The following DAPK2 variants were observed in gnomAD, a reference collection of about 807,000 sequenced individuals.
The protein encoded by DAPK2 is death associated protein kinase 2.
Under a neutral mutation model 44.1 loss-of-function variants are expected in DAPK2, and 35 were observed. The observed-to-expected ratio is 0.79, with a 90% CI of 0.61 to 1.05. DAPK2 has a LOEUF of 1.05. Ranked by LOEUF, DAPK2 falls within the 50% of genes least tolerant of loss-of-function variation. The probability of loss-of-function intolerance (pLI) is 0.00; values close to 1 mark genes in which losing one functional copy is unlikely to be tolerated. For synonymous variants in DAPK2, 174 were observed against 182.6 expected (o/e 0.95, Z 0.38); for missense variants, 453 against 483.2 (o/e 0.94, Z 0.59).
In DAPK2 at chr15:64,017,438, G is replaced by A. The variant is rs140050945; in HGVS notation, c.92+22732C>T. ...CTCAAAGGCTGTCCAACCCTCCACC[G>A]AGGTGGCTCTGCTGGGCCTAGGACA... On this transcript the variant is annotated intron_variant, in intron 1 of 10. Coordinates refer to ENST00000261891, the Ensembl canonical transcript of DAPK2. 7.1e-3 allele frequency among the ~76,000 whole-genome samples: 1,084 copies of A among 152,302 alleles called. 4 individuals carry two copies. Among genetic ancestry groups the A allele is most frequent in the Non-Finnish European group, 0.012 (792 of 68,020 alleles).
At chr15:63,936,413 C>A (rs1277362368) in intron 4 of DAPK2, among the ~76,000 whole-genome samples, 1 of 151,830 alleles carries the variant, frequency 6.6e-6, no homozygotes, top group African/African-American at 2.4e-5. Flanking sequence ...GAGTTCGAGA[C>A]CTGCCTGGCC....
chr15:63,943,113 CA>C (rs5813266), intron 3 of DAPK2, among the ~76,000 whole-genome samples: 49 of 144,904 alleles, frequency 3.4e-4, no homozygotes, highest in East Asian at 4.0e-4. Context: ...ATTCCTTTTG[CA>C]AAAAAAAAAA....
intron 1 of DAPK2, among the ~76,000 whole-genome samples, chr15:64,045,830 G>A (rs2080449467): frequency 1.3e-5 from 2 of 152,144 alleles, no homozygotes; most frequent in South Asian, 2.1e-4. Context: ...GCCTGACGGC[G>A]GGGACCCCAG....
chr15:63,920,764 A>C (rs1241683493), intron 8 of DAPK2: 1 of 152,276 alleles, frequency 6.6e-6, no homozygotes, highest in Non-Finnish European at 1.5e-5. Context: ...GCTCTTCCAC[A>C]TGGCCAAAGC....
intron 1 of DAPK2, among the ~76,000 whole-genome samples, chr15:63,988,972 G>C (rs956864837): frequency 6.6e-6 from 1 of 151,614 alleles, no homozygotes; most frequent in Non-Finnish European, 1.5e-5. Flanking sequence ...TTGAGGCCTG[G>C]AGTATGAGAC....
chr15:63,955,416 T>G (rs536991248), intron 3 of DAPK2, among the ~76,000 whole-genome samples: 7 of 152,344 alleles, frequency 4.6e-5, no homozygotes, highest in Admixed American at 6.5e-5. Context: ...AATGCATCAA[T>G]GTTCATCAAG....
intron 1 of DAPK2, among the ~76,000 whole-genome samples, chr15:64,019,505 A>G (rs2079624385): frequency 6.6e-6 from 1 of 152,236 alleles, no homozygotes; most frequent in African/African-American, 2.4e-5. Flanking sequence ...CTCTTCAGAA[A>G]GAATTATCTT....
Position 63,983,513 on chromosome 15 carries a change from G to A in DAPK2, c.314+20C>T, listed in dbSNP as rs373597191. On this transcript the variant is annotated intron_variant, in intron 2 of 10. Coordinates refer to ENST00000261891, the Ensembl canonical transcript of DAPK2. The stretch of plus-strand genomic sequence containing the variant: ...CCCCTGCTGCCCCCCAACCCTGTGG[G>A]TCCTGGGGACCCCACTCACAGCTCA... 59 of 1,611,324 alleles carry A rather than the reference G, an allele frequency of 3.7e-5. No homozygotes were observed. The highest frequency in any genetic ancestry group is 4.8e-5 in the Non-Finnish European group (56 of 1,177,730).
chr15:64,040,375 T>A, upstream of DAPK2: 1 of 811,384 alleles, frequency 1.2e-6, no homozygotes, highest in South Asian at 1.5e-5. Context: ...AATTTAGTAA[T>A]AATCCACAGC....
At chr15:63,935,798 T>G (rs1169005877) in intron 4 of DAPK2, 1 of 152,210 alleles carries the variant, frequency 6.6e-6, no homozygotes, top group Non-Finnish European at 1.5e-5. Flanking sequence ...TTGCTTATCC[T>G]CTCTTTCATA....
At chr15:64,008,791 T>A (rs2079307918) in intron 1 of DAPK2, among the ~76,000 whole-genome samples, 1 of 152,100 alleles carries the variant, frequency 6.6e-6, no homozygotes, top group Non-Finnish European at 1.5e-5. Context: ...GTTTTAAAAG[T>A]AAGAAAATGA....
intron 4 of DAPK2, among the ~76,000 whole-genome samples, chr15:63,934,670 G>T (rs2140414483): frequency 1.3e-5 from 2 of 152,264 alleles, no homozygotes; most frequent in Middle Eastern, 6.8e-3. Context: ...CAATTCTTCT[G>T]CCTCAGCTTC....
At chr15:63,999,883 A>T (rs2079038414) in intron 1 of DAPK2, among the ~76,000 whole-genome samples, 1 of 151,836 alleles carries the variant, frequency 6.6e-6, no homozygotes, top group African/African-American at 2.4e-5. Context: ...CTCCTACCTC[A>T]GCCTCCTGAG....
In DAPK2 at chr15:63,930,404, T is replaced by C; in HGVS notation, c.632+3A>G. ...GGTCACCTGAGTGGCCTATCCAACT[T>C]ACCACATGTCAGCCTCCAGACCCAG... is the stretch of plus-strand genomic sequence containing the variant. On this transcript the variant is annotated splice_donor_region_variant and intron_variant, in intron 5 of 10. Transcript: ENST00000261891. 1 of 1,614,182 alleles carries C rather than the reference T, an allele frequency of 6.2e-7. No homozygotes were observed. Among genetic ancestry groups the C allele is most frequent in the Non-Finnish European group, 8.5e-7 (1 of 1,180,016 alleles).
intron 4 of DAPK2, among the ~76,000 whole-genome samples, chr15:63,938,044 C>T (rs1024480330): frequency 3.5e-5 from 5 of 144,660 alleles, no homozygotes; most frequent in African/African-American, 1.2e-4. Flanking sequence ...TAACTAAAAT[C>T]CCCCAGCCTG....
chr15:63,970,561 G>A (rs1332097461), intron 3 of DAPK2, among the ~76,000 whole-genome samples: 1 of 152,094 alleles, frequency 6.6e-6, no homozygotes, highest in Non-Finnish European at 1.5e-5. Context: ...AAGGTTCCTG[G>A]AAAAGATGAA....
chr15:63,956,665 C>T (rs1386813124), intron 3 of DAPK2, among the ~76,000 whole-genome samples: 1 of 151,984 alleles, frequency 6.6e-6, no homozygotes, highest in African/African-American at 2.4e-5. Context: ...CAGCTCACTG[C>T]AAGCTCCACC....
intron 2 of DAPK2, among the ~76,000 whole-genome samples, chr15:63,981,383 T>C (rs2078507526): frequency 6.6e-6 from 1 of 152,092 alleles, no homozygotes; most frequent in Non-Finnish European, 1.5e-5. Context: ...CCTTATAAAT[T>C]AACCAGTTTC....
Position 63,908,424 on chromosome 15 carries a change from G to A in DAPK2, c.*96C>T, listed in dbSNP as rs920338329. On this transcript the variant is annotated 3_prime_UTR_variant, in exon 11 of 11. Coordinates refer to ENST00000261891, the Ensembl canonical transcript of DAPK2. This position sits in a 1 kb window ranked among gnomAD's most constrained non-coding sequence, Gnocchi z 5.7. ...ATCTCTCTTGCAAAGTGCTCAGGAC[G>A]CCCGGGTGCTGGTGCTGAGCTGGGT... is the stretch of plus-strand genomic sequence containing the variant. 7.2e-6 allele frequency: 5 copies of A among 697,484 alleles called. No individual in the cohort carries two copies. The highest frequency in any genetic ancestry group is 5.6e-5 in the African/African-American group (3 of 53,646). 43.2% of individuals were successfully genotyped at this position (697,484 alleles called of 1,614,324 possible).
Sources: gnomAD v4.1 joint callset for allele counts (sites outside exome capture counted in the v4.1 genomes callset) on GRCh38, gnomAD v4.1.1 for gene constraint, Gnocchi (gnomAD v3.1) non-coding constraint, MANE v1.5 for transcripts, NCBI Gene and HGNC (gene_info 2026-07-23, HGNC 2026-07-21) for gene names.